TCF7L1: variants seen among roughly 807,000 people sequenced by gnomAD.
TCF7L1 encodes the protein transcription factor 7 like 1.
In TCF7L1, 18 loss-of-function variants were observed where a neutral mutation model predicts 63.7. The observed-to-expected ratio is 0.28, with a 90% CI of 0.20 to 0.42. TCF7L1 has a LOEUF of 0.42. Ranked by LOEUF, TCF7L1 falls within the 10% of genes least tolerant of loss-of-function variation. The pLI is 1.00. For missense variants in TCF7L1, 654 were observed against 779.3 expected, an observed-to-expected ratio of 0.84 and a Z score of 1.91; for synonymous variants, 355 against 340.9, an observed-to-expected ratio of 1.04 and a Z score of -0.46.
intron 3 of TCF7L1, among the ~76,000 whole-genome samples, chr2:85,201,941 A>G (rs894936025): frequency 2.9e-5 from 1 of 33,956 alleles, no homozygotes. Context: ...TTGACTTTTT[A>G]TTTATTTATT....
At chr2:85,155,151 G>A (rs1011933171) in intron 3 of TCF7L1, among the ~76,000 whole-genome samples, 1 of 152,128 alleles carries the variant, frequency 6.6e-6, no homozygotes, top group African/African-American at 2.4e-5. Context: ...CATGGTGAGA[G>A]GTGAAGCCAG....
Position 85,261,123 on chromosome 2 carries a change from G to GGGGTGTGT in TCF7L1, c.442-22371_442-22370insGGTGTGTG, listed in dbSNP as rs1194613521. Among the ~76,000 whole-genome samples the GGGGTGTGT allele has an allele frequency of 1.7e-3, 178 of 106,768 alleles. 1 individual carries two copies. The highest frequency in any genetic ancestry group is 2.4e-3 in the Non-Finnish European group (111 of 45,696). The allele number at this position is 106,768 out of a possible 152,430, so 70.0% of individuals were successfully genotyped here. ...TTCAATTACTTCCTCAATTATTGCT[G>GGGGTGTGT]GTGTGTGTGTGTGTGTGTGTGTGTG... On this transcript the variant is annotated intron_variant, in intron 3 of 11. Coordinates refer to ENST00000282111, the MANE Select transcript of TCF7L1 (RefSeq NM_031283.3).
chr2:85,194,525 G>T (rs7570937), intron 3 of TCF7L1, among the ~76,000 whole-genome samples: 6 of 152,286 alleles, frequency 3.9e-5, no homozygotes, highest in East Asian at 1.9e-4. Context: ...AATGAAAATT[G>T]TAGGAAAAGT....
chr2:85,211,558 C>T (rs890133392), intron 3 of TCF7L1, among the ~76,000 whole-genome samples: 5 of 152,162 alleles, frequency 3.3e-5, no homozygotes, highest in African/African-American at 7.2e-5. Flanking sequence ...TTTCATAAAA[C>T]GATGCATTAT....
intron 6 of TCF7L1, 104 bp from the exon 7 acceptor site, chr2:85,304,151 C>A: frequency 7.4e-7 from 1 of 1,345,410 alleles, no homozygotes. Flanking sequence ...CCAGCATTAC[C>A]TTCCCGCTTC....
At position 85,134,420 on chromosome 2, in the gene TCF7L1, C is replaced by T. The variant is rs1677540486; in HGVS notation, c.411C>T (p.Asn137=). ...ACCTGAGCAGCCCGTACCTCTCCAACGGACCCCTGTCTCCCGGAGGAGCGC... is the reference window on the plus strand; with the variant it reads ...ACCTGAGCAGCCCGTACCTCTCCAATGGACCCCTGTCTCCCGGAGGAGCGC... ...IPDLSSPYLS[N]GPLSPGGART... is the part of the protein sequence containing the mutation. Residue 137 remains asparagine (N), a synonymous_variant, in exon 3 of 12, where the codon AAC becomes AAT. Coordinates refer to ENST00000282111, the MANE Select transcript of TCF7L1 (RefSeq NM_031283.3). The surrounding 1 kb of genome is among the most constrained non-coding windows in gnomAD (Gnocchi z 5.0). 5 of 1,562,424 alleles carry T rather than the reference C, an allele frequency of 3.2e-6. No individual in the cohort carries two copies. The highest frequency in any genetic ancestry group is 4.3e-6 in the Non-Finnish European group (5 of 1,152,972).
intron 3 of TCF7L1, among the ~76,000 whole-genome samples, chr2:85,247,986 G>T (rs1680503386): frequency 6.6e-6 from 1 of 152,184 alleles, no homozygotes; most frequent in African/African-American, 2.4e-5. Flanking sequence ...GATGTGAAAA[G>T]ACTCCTTGTG....
chr2:85,144,585 G>C (rs1314354233), intron 3 of TCF7L1, among the ~76,000 whole-genome samples: 12 of 151,934 alleles, frequency 7.9e-5, no homozygotes, highest in African/African-American at 2.9e-4. Context: ...CTGGGTGACA[G>C]AGTAAGACCC....
At chr2:85,179,156 A>G (rs1046882911) in intron 3 of TCF7L1, among the ~76,000 whole-genome samples, 1 of 152,174 alleles carries the variant, frequency 6.6e-6, no homozygotes, top group African/African-American at 2.4e-5. Flanking sequence ...CTTTATTGCC[A>G]TGTTAAAATC....
intron 3 of TCF7L1, among the ~76,000 whole-genome samples, chr2:85,151,626 C>T (rs978491381): frequency 3.9e-5 from 6 of 152,202 alleles, no homozygotes; most frequent in Non-Finnish European, 7.3e-5. Context: ...CTACCCCTCA[C>T]CAACTCTTTA....
At chr2:85,139,412 A>G (rs926816892) in intron 3 of TCF7L1, among the ~76,000 whole-genome samples, 15 of 152,240 alleles carry the variant, frequency 9.9e-5, no homozygotes, top group Admixed American at 9.8e-4. Context: ...GAAACAAGAT[A>G]AGACCCAGGC....
intron 3 of TCF7L1, among the ~76,000 whole-genome samples, chr2:85,156,516 C>A (rs1434268002): frequency 6.6e-6 from 1 of 152,182 alleles, no homozygotes; most frequent in Non-Finnish European, 1.5e-5. Flanking sequence ...AGCTCTGGGG[C>A]CAGTGCGTTT....
intron 3 of TCF7L1, among the ~76,000 whole-genome samples, chr2:85,148,526 A>G (rs1677932803): frequency 6.6e-6 from 1 of 152,128 alleles, no homozygotes. Flanking sequence ...CATAATGATA[A>G]ATGGGGACAG....
At chr2:85,291,993 A>ATTTTTTCT in intron 4 of TCF7L1, among the ~76,000 whole-genome samples, 1 of 13,832 alleles carries the variant, frequency 7.2e-5, no homozygotes, top group Middle Eastern at 0.045. Flanking sequence ...GGTCATATGT[A>ATTTTTTCT]TTTTTTTTTT....
chr2:85,138,563 A>C (rs765428558), intron 3 of TCF7L1, among the ~76,000 whole-genome samples: 3 of 152,042 alleles, frequency 2.0e-5, no homozygotes, highest in Non-Finnish European at 2.9e-5. Flanking sequence ...CAAGCTTTTG[A>C]GAGGGCCTGT....
chr2:85,180,520 T>C (rs977391321), intron 3 of TCF7L1, among the ~76,000 whole-genome samples: 5 of 152,194 alleles, frequency 3.3e-5, no homozygotes, highest in Non-Finnish European at 7.3e-5. Flanking sequence ...CACAGATTTC[T>C]TGTGGTTCCC....
intron 3 of TCF7L1, among the ~76,000 whole-genome samples, chr2:85,140,063 T>C (rs1309394662): frequency 1.3e-5 from 2 of 152,016 alleles, no homozygotes; most frequent in East Asian, 3.9e-4. Context: ...TGGGAGGAAA[T>C]AGGATTCTTG....
intron 3 of TCF7L1, among the ~76,000 whole-genome samples, chr2:85,214,206 G>T (rs935435229): frequency 3.3e-5 from 5 of 152,226 alleles, no homozygotes; most frequent in African/African-American, 1.2e-4. Flanking sequence ...GTGGCTGTCA[G>T]CGTGTCAAGG....
chr2:85,242,023 C>T (rs1301188204), intron 3 of TCF7L1, among the ~76,000 whole-genome samples: 1 of 139,534 alleles, frequency 7.2e-6, no homozygotes, highest in Non-Finnish European at 1.5e-5. Context: ...GGCGGTGGTG[C>T]GGGGGGGCAA....
Sources: allele counts gnomAD v4.1 joint callset (sites outside exome capture counted in the v4.1 genomes callset), GRCh38; gene constraint gnomAD v4.1.1; non-coding constraint Gnocchi (gnomAD v3.1); transcripts MANE v1.5; gene names NCBI Gene and HGNC (gene_info 2026-07-23, HGNC 2026-07-21).